TMEM245: variants seen among roughly 807,000 people sequenced by gnomAD.
The protein encoded by TMEM245 is transmembrane protein 245.
A neutral mutation model predicts 101.2 loss-of-function variants in TMEM245; 69 were observed. The observed-to-expected ratio is 0.68, with a 90% CI of 0.56 to 0.83. The LOEUF (loss-of-function observed/expected upper bound fraction) is 0.83, where lower values mean the gene tolerates loss of function less well. TMEM245 is among the 40% of genes least tolerant of loss of function. TMEM245 has a pLI of 0.00. For synonymous variants in TMEM245, 537 were observed against 449.8 expected, an observed-to-expected ratio of 1.19 and a Z score of -2.45; for missense variants, 1,075 against 1,092.8, an observed-to-expected ratio of 0.98 and a Z score of 0.23.
chr9:109,049,517 T>A (rs1019684459), intron 14 of TMEM245, among the ~76,000 whole-genome samples: 1 of 152,114 alleles, frequency 6.6e-6, no homozygotes, highest in East Asian at 1.9e-4. Context: ...CCCAGTCTGT[T>A]TTTTTGTTTT....
At position 109,080,838 on chromosome 9, in the gene TMEM245, C is replaced by A; in HGVS notation, c.1449+1G>T. 6.5e-7 allele frequency: 1 copy of A among 1,545,812 alleles called. No individual in the cohort carries two copies. Among genetic ancestry groups the A allele is most frequent in the Non-Finnish European group, 8.9e-7 (1 of 1,120,210 alleles). On this transcript the variant is annotated splice_donor_variant, in intron 8 of 17. Coordinates refer to ENST00000374586, the MANE Select transcript of TMEM245 (RefSeq NM_032012.4). LOFTEE classifies it high-confidence loss of function. ...TGAGAATAATAATCACTGTACTCTACCTTTGCAGTCAGGAGTAGGGCTAAA... is the reference window on the plus strand; with the variant it reads ...TGAGAATAATAATCACTGTACTCTAACTTTGCAGTCAGGAGTAGGGCTAAA...
At chr9:109,042,909 A>G (rs1828360091) in intron 14 of TMEM245, among the ~76,000 whole-genome samples, 1 of 139,734 alleles carries the variant, frequency 7.2e-6, no homozygotes, top group African/African-American at 2.7e-5. Context: ...GCAGTGGTGC[A>G]ATCCTGGCTC....
At chr9:109,055,118 A>G (rs536334120) in intron 12 of TMEM245, among the ~76,000 whole-genome samples, 1 of 152,252 alleles carries the variant, frequency 6.6e-6, no homozygotes, top group Non-Finnish European at 1.5e-5. Flanking sequence ...TTTATCATCT[A>G]TCTTAATATG....
rs751739620 is a variant in TMEM245, at chr9:109,083,901, C to CAAAAAAAAAAAAAAAAAAAAAAAAAAAA, written c.1344+2068_1344+2095dup. Among the ~76,000 whole-genome samples the CAAAAAAAAAAAAAAAAAAAAAAAAAAAA allele has an allele frequency of 6.4e-4, 22 of 34,474 alleles. 5 individuals are homozygous for CAAAAAAAAAAAAAAAAAAAAAAAAAAAA. Among genetic ancestry groups the CAAAAAAAAAAAAAAAAAAAAAAAAAAAA allele is most frequent in the Non-Finnish European group, 8.1e-4 (16 of 19,818 alleles). 22.6% of individuals were successfully genotyped at this position (34,474 alleles called of 152,430 possible). A position where few individuals can be genotyped will look rare whatever the true frequency, so the allele number is the denominator to read the frequency against. On this transcript the variant is annotated intron_variant, in intron 7 of 17. Transcript: ENST00000374586. ...CAAAACCCCATCTCTACTAAAAATACAAAAAAAAAAAAAAAAAAAAAAAAA... is the reference window on the plus strand; with the variant it reads ...CAAAACCCCATCTCTACTAAAAATACAAAAAAAAAAAAAAAAAAAAAAAAAAAAAAAAAAAAAAAAAAAAAAAAAAAAA...
At chr9:109,065,469 G>A (rs1464401536) in intron 9 of TMEM245, among the ~76,000 whole-genome samples, 1 of 152,134 alleles carries the variant, frequency 6.6e-6, no homozygotes, top group Non-Finnish European at 1.5e-5. Flanking sequence ...AAATGAAGAA[G>A]GTGAATCATT....
At chr9:109,031,931 A>G (rs959565195) in intron 17 of TMEM245, among the ~76,000 whole-genome samples, 1 of 152,264 alleles carries the variant, frequency 6.6e-6, no homozygotes, top group Non-Finnish European at 1.5e-5. Flanking sequence ...GGTGTCCCAA[A>G]TAATTTTTTC....
At chr9:109,080,709 T>C in intron 8 of TMEM245, 130 bp downstream of exon 8, 1 of 563,560 alleles carries the variant, frequency 1.8e-6, no homozygotes, top group Non-Finnish European at 3.1e-6. Context: ...AAATCATAAA[T>C]CCTTTAGCTA....
chr9:109,083,558 T>G (rs1484899950), intron 7 of TMEM245, among the ~76,000 whole-genome samples: 1 of 152,192 alleles, frequency 6.6e-6, no homozygotes, highest in Non-Finnish European at 1.5e-5. Flanking sequence ...ATTTTTTAAA[T>G]TTAGAGATGT....
intron 3 of TMEM245, among the ~76,000 whole-genome samples, chr9:109,102,408 TAATA>T (rs1306307252): frequency 6.6e-6 from 1 of 151,834 alleles, no homozygotes; most frequent in Admixed American, 6.6e-5. Context: ...TCAAATAAAA[TAATA>T]AAAAGCAAAT....
intron 14 of TMEM245, among the ~76,000 whole-genome samples, chr9:109,047,818 G>A (rs1193556121): frequency 6.6e-6 from 1 of 152,182 alleles, no homozygotes; most frequent in African/African-American, 2.4e-5. Flanking sequence ...CTTGGCTTAA[G>A]CCACACTGAC....
At position 109,038,052 on chromosome 9, in the gene TMEM245, G is replaced by C. The variant is rs772576581; in HGVS notation, c.2189C>G (p.Thr730Ser). The change falls in exon 15 of 18, where the codon ACT (threonine) becomes AGT (serine). Residue 730 changes from threonine to serine, a missense_variant. Thr to Ser is a moderately conservative substitution (Grantham distance 58). Coordinates refer to ENST00000374586, the MANE Select transcript of TMEM245 (RefSeq NM_032012.4). Reference protein sequence around the residue: ...FYGLYTWLTHTMFGINIVFIP... With the variant: ...FYGLYTWLTHSMFGINIVFIP... ...GAAGACAATATTGATGCCAAACATA[G>C]TATGAGTCAGCCAGGTATACAATCC... The C allele has an allele frequency of 4.3e-6, 7 of 1,613,148 alleles. No individual in the cohort carries two copies. The highest frequency in any genetic ancestry group is 5.9e-6 in the Non-Finnish European group (7 of 1,179,568).
intron 1 of TMEM245, among the ~76,000 whole-genome samples, chr9:109,116,607 C>A (rs1326898464): frequency 6.6e-6 from 1 of 152,016 alleles, no homozygotes; most frequent in Non-Finnish European, 1.5e-5. Context: ...TCTCAACTCA[C>A]TGCAACCTCC....
At chr9:109,039,900 AAAAG>A (rs574246395) in intron 14 of TMEM245, among the ~76,000 whole-genome samples, 153 of 152,254 alleles carry the variant, frequency 1.0e-3, no homozygotes, top group Non-Finnish European at 1.8e-3. Context: ...GTCAATGAGG[AAAAG>A]ATAGAGATGT....
intron 14 of TMEM245, among the ~76,000 whole-genome samples, chr9:109,040,378 T>C (rs1828266556): frequency 1.3e-5 from 2 of 152,224 alleles, no homozygotes; most frequent in Admixed American, 1.3e-4. Flanking sequence ...AACTCACCAA[T>C]TTGAAGCATT....
chr9:109,083,834 TC>T (rs1303125598), intron 7 of TMEM245, among the ~76,000 whole-genome samples: 1 of 139,630 alleles, frequency 7.2e-6, no homozygotes, highest in African/African-American at 2.7e-5. Context: ...GGCAGGCTGA[TC>T]ACTTGAGCTA....
intron 9 of TMEM245, 22 bp downstream of exon 9, chr9:109,073,334 T>G: frequency 6.3e-7 from 1 of 1,586,462 alleles, no homozygotes; most frequent in Non-Finnish European, 8.7e-7. Flanking sequence ...ATCTCTCTTC[T>G]TTTTCAAAAC....
intron 14 of TMEM245, among the ~76,000 whole-genome samples, chr9:109,045,704 G>C (rs1385944768): frequency 6.6e-6 from 1 of 152,168 alleles, no homozygotes; most frequent in African/African-American, 2.4e-5. Flanking sequence ...GAAAGTAAAA[G>C]ACACATTTTT....
intron 17 of TMEM245, among the ~76,000 whole-genome samples, chr9:109,027,531 G>T (rs1827825298): frequency 6.6e-6 from 1 of 152,074 alleles, no homozygotes; most frequent in Admixed American, 6.5e-5. Context: ...CTAGCCAGGA[G>T]ATTAGAAGCT....
Position 109,119,382 on chromosome 9 carries a change from C to T in TMEM245, c.532G>A (p.Ala178Thr), listed in dbSNP as rs766776871. ...AGCCCGCGGCAGATGAGCGTGGCAG[C>T]GTGCACCAGCAGCACCTGCACGCCC... Reference protein sequence around the residue: ...YLGVQVLLVHAATLICRGLDY... With the variant: ...YLGVQVLLVHTATLICRGLDY... The change falls in exon 1 of 18, where the codon GCT (alanine) becomes ACT (threonine). Residue 178 changes from alanine to threonine, a missense_variant. Ala to Thr is a moderately conservative substitution (Grantham distance 58, BLOSUM62 0). Around this residue, in one of 2 missense-constraint regions of TMEM245, gnomAD observed 808 missense variants for 741.5 expected, o/e 1.09. Transcript: ENST00000374586. The T allele has an allele frequency of 2.0e-6, 3 of 1,528,850 alleles. No homozygotes were observed. Among genetic ancestry groups the T allele is most frequent in the Non-Finnish European group, 2.6e-6 (3 of 1,142,140 alleles). The allele number at this position is 1,528,850 out of a possible 1,614,324, so 94.7% of individuals were successfully genotyped here. A position where few individuals can be genotyped will look rare whatever the true frequency, so the allele number is the denominator to read the frequency against.
Sources: allele counts gnomAD v4.1 joint callset (sites outside exome capture counted in the v4.1 genomes callset), GRCh38; gene constraint gnomAD v4.1.1; regional missense constraint gnomAD v4.1.1; transcripts MANE v1.5; gene names NCBI Gene and HGNC (gene_info 2026-07-23, HGNC 2026-07-21).